Variants in MDGA2 observed in about 807,000 individuals in gnomAD.
MDGA2 encodes the protein MAM domain containing glycosylphosphatidylinositol anchor 2, also known as MAM domain-containing glycosylphosphatidylinositol anchor protein 2.
MDGA2 carries 40 observed loss-of-function variants against 117.8 expected under a neutral mutation model. The observed-to-expected ratio is 0.34, with a 90% confidence interval of 0.26 to 0.44. The LOEUF (loss-of-function observed/expected upper bound fraction) is 0.44. Ranked by LOEUF, MDGA2 falls within the 20% of genes least tolerant of loss-of-function variation. The pLI, the probability that MDGA2 is intolerant of heterozygous loss-of-function variation, is 1.00. For synonymous variants in MDGA2, 452 were observed against 439.0 expected (o/e 1.03, Z -0.37); for missense variants, 1,123 against 1,250.6 (o/e 0.90, Z 1.54).
chr14:47,604,907 T>A (rs538652330), intron 1 of MDGA2, among the ~76,000 whole-genome samples: 1 of 152,210 alleles, frequency 6.6e-6, no homozygotes, highest in South Asian at 2.1e-4. Flanking sequence ...CTGACCTACC[T>A]GCACAGGACT....
intron 3 of MDGA2, among the ~76,000 whole-genome samples, chr14:47,186,578 T>C (rs1027395739): frequency 6.6e-5 from 10 of 151,894 alleles, no homozygotes; most frequent in Admixed American, 1.3e-4. Context: ...CTATGAAGCA[T>C]ATGAGGATTA....
chr14:47,063,800 C>T (rs1190443914), intron 6 of MDGA2, among the ~76,000 whole-genome samples: 1 of 151,822 alleles, frequency 6.6e-6, no homozygotes, highest in Admixed American at 6.6e-5. Context: ...TATGGGATAT[C>T]TTTTAGAATA....
chr14:47,549,346 T>TCTCTCTCTCTC (rs2138773777), intron 1 of MDGA2, among the ~76,000 whole-genome samples: 1 of 146,102 alleles, frequency 6.8e-6, no homozygotes, highest in African/African-American at 2.6e-5. Context: ...CAGTATTATC[T>TCTCTCTCTCTC]CTCTCTCTCT....
intron 2 of MDGA2, among the ~76,000 whole-genome samples, chr14:47,258,833 T>C (rs1032319984): frequency 1.3e-5 from 2 of 151,928 alleles, no homozygotes; most frequent in Non-Finnish European, 1.5e-5. Flanking sequence ...ATTTTTCTAA[T>C]TAAGAACTGA....
intron 1 of MDGA2, among the ~76,000 whole-genome samples, chr14:47,352,977 G>A (rs926948432): frequency 5.4e-4 from 83 of 152,298 alleles, no homozygotes; most frequent in African/African-American, 1.8e-3. Context: ...TGAAAGTTAG[G>A]TGCAGAATAG....
intron 6 of MDGA2, among the ~76,000 whole-genome samples, chr14:47,068,322 AG>A (rs1296244823): frequency 6.6e-6 from 1 of 151,614 alleles, no homozygotes; most frequent in African/African-American, 2.4e-5. Flanking sequence ...CTTCTTAAGA[AG>A]GGGGAAAAAG....
intron 1 of MDGA2, among the ~76,000 whole-genome samples, chr14:47,396,708 T>G (rs1250154213): frequency 6.6e-6 from 1 of 152,164 alleles, no homozygotes; most frequent in Non-Finnish European, 1.5e-5. Context: ...AGAAGACATT[T>G]ATGTGGCCAA....
intron 1 of MDGA2, among the ~76,000 whole-genome samples, chr14:47,436,551 A>G (rs1594855817): frequency 6.6e-6 from 1 of 152,046 alleles, no homozygotes; most frequent in South Asian, 2.1e-4. Context: ...TCTTTATAAT[A>G]CCCAGGCTTT....
At chr14:47,543,395 G>A (rs2138760680) in intron 1 of MDGA2, among the ~76,000 whole-genome samples, 1 of 152,276 alleles carries the variant, frequency 6.6e-6, no homozygotes, top group African/African-American at 2.4e-5. Flanking sequence ...CTGTCTCATG[G>A]ATTATTATAA....
intron 1 of MDGA2, among the ~76,000 whole-genome samples, chr14:47,473,088 C>G (rs1303610601): frequency 6.6e-6 from 1 of 152,050 alleles, no homozygotes; most frequent in Admixed American, 6.6e-5. Context: ...TAATAGAGGA[C>G]ACCTGGGCGC....
intron 1 of MDGA2, among the ~76,000 whole-genome samples, chr14:47,465,418 T>C (rs1490637985): frequency 6.6e-6 from 1 of 152,044 alleles, no homozygotes; most frequent in Non-Finnish European, 1.5e-5. Context: ...AAAGAAAATT[T>C]CTGCAATCTA....
intron 9 of MDGA2, among the ~76,000 whole-genome samples, chr14:46,942,473 AAAT>A (rs1885033037): frequency 6.6e-6 from 1 of 152,136 alleles, no homozygotes; most frequent in South Asian, 2.1e-4. Flanking sequence ...GGGTTTGGAA[AAAT>A]ATATATTGCT....
At chr14:46,963,893 G>C (rs568618166) in intron 8 of MDGA2, among the ~76,000 whole-genome samples, 4 of 152,214 alleles carry the variant, frequency 2.6e-5, no homozygotes, top group African/African-American at 9.6e-5. Flanking sequence ...TACTTGAGTG[G>C]TGTTAAAAGA....
chr14:47,184,530 G>C (rs145810835), intron 3 of MDGA2, among the ~76,000 whole-genome samples: 1 of 151,672 alleles, frequency 6.6e-6, no homozygotes, highest in Non-Finnish European at 1.5e-5. Flanking sequence ...AAGTTCTTAC[G>C]CTATTTCATC....
intron 8 of MDGA2, among the ~76,000 whole-genome samples, chr14:46,990,344 C>T (rs1887039862): frequency 6.6e-6 from 1 of 151,814 alleles, no homozygotes; most frequent in Non-Finnish European, 1.5e-5. Flanking sequence ...TTTAGTATTT[C>T]TTAAATAAAT....
rs144256639 is a variant in MDGA2, at chr14:47,172,850, C to T, written c.596-28576G>A. ...AAGGCTTCAGACGATCAAACTACTCCGAGCTACAGGAGGAAATTCAAACCA... is the reference window on the plus strand; with the variant it reads ...AAGGCTTCAGACGATCAAACTACTCTGAGCTACAGGAGGAAATTCAAACCA... On this transcript the variant is annotated intron_variant, in intron 3 of 16. Coordinates refer to ENST00000399232, the MANE Select transcript of MDGA2 (RefSeq NM_001113498.3). Among the ~76,000 whole-genome samples the T allele has an allele frequency of 9.6e-3, 1,455 of 152,166 alleles. 21 individuals carry two copies. Among genetic ancestry groups the T allele is most frequent in the African/African-American group, 0.033 (1,362 of 41,512 alleles).
At chr14:46,962,099 AATG>A (rs1342301830) in intron 8 of MDGA2, among the ~76,000 whole-genome samples, 1 of 152,192 alleles carries the variant, frequency 6.6e-6, no homozygotes, top group Non-Finnish European at 1.5e-5. Flanking sequence ...TGATGACTAA[AATG>A]ATGGTTTCTT....
intron 1 of MDGA2, among the ~76,000 whole-genome samples, chr14:47,652,673 C>T (rs542219115): frequency 3.3e-5 from 5 of 151,954 alleles, no homozygotes; most frequent in Admixed American, 2.0e-4. Flanking sequence ...ATCAGCAAAC[C>T]AGGCAAGTGG....
intron 1 of MDGA2, chr14:47,342,955 A>G (rs1219678453): frequency 1.6e-6 from 1 of 609,806 alleles, no homozygotes; most frequent in Admixed American, 2.4e-5. Context: ...CTGAAGTCAC[A>G]GTAGTAGGAG....
Sources: allele counts gnomAD v4.1 joint callset (sites outside exome capture counted in the v4.1 genomes callset), GRCh38; gene constraint gnomAD v4.1.1; transcripts MANE v1.5; gene names NCBI Gene and HGNC (gene_info 2026-07-23, HGNC 2026-07-21).